The following PIEZO2 variants were observed in gnomAD, a reference collection of about 807,000 sequenced individuals.
PIEZO2 encodes the protein piezo type mechanosensitive ion channel component 2.
Under a neutral mutation model 337.3 loss-of-function variants are expected in PIEZO2, and 172 were observed. That is an observed-to-expected ratio of 0.51 (90% CI 0.45 to 0.58). PIEZO2 has a LOEUF of 0.58. PIEZO2 is among the 20% of genes least tolerant of loss of function. PIEZO2 has a pLI of 0.00. For missense variants in PIEZO2, 3,028 were observed against 3,391.3 expected (o/e 0.89, Z 2.66); for synonymous variants, 1,251 against 1,228.5 (o/e 1.02, Z -0.38).
At chr18:10,749,358 G>A (rs2037555939) in intron 29 of PIEZO2, among the ~76,000 whole-genome samples, 1 of 152,270 alleles carries the variant, frequency 6.6e-6, no homozygotes, top group South Asian at 2.1e-4. Flanking sequence ...AGCTACTCAG[G>A]AGGCAGAAGT....
In PIEZO2 at chr18:10,813,080, A is replaced by G. The variant is rs549196233; in HGVS notation, c.918-5806T>C. On this transcript the variant is annotated intron_variant, in intron 7 of 55. Coordinates refer to ENST00000674853, the MANE Select transcript of PIEZO2 (RefSeq NM_001378183.1). This position sits in a 1 kb window ranked among gnomAD's most constrained non-coding sequence, Gnocchi z 4.2. ...CTGCAACCTCTGCCTCCCCGGCTCAAGTGATTCTCCTGCCTCAGCCTCCGG... is the reference window on the plus strand; with the variant it reads ...CTGCAACCTCTGCCTCCCCGGCTCAGGTGATTCTCCTGCCTCAGCCTCCGG... 5.3e-5 allele frequency among the ~76,000 whole-genome samples: 8 copies of G among 152,090 alleles called. No homozygotes were observed. In the South Asian group the frequency reaches 1.5e-3, roughly 28 times the overall value.
chr18:10,926,153 G>A (rs149001311), intron 3 of PIEZO2, among the ~76,000 whole-genome samples: 274 of 152,328 alleles, frequency 1.8e-3, no homozygotes, highest in African/African-American at 6.2e-3. Context: ...GAGTCAGGGT[G>A]CAGGAGGTCA....
intron 13 of PIEZO2, among the ~76,000 whole-genome samples, chr18:10,793,602 T>C (rs2039483619): frequency 6.6e-6 from 1 of 152,190 alleles, no homozygotes; most frequent in Non-Finnish European, 1.5e-5. Context: ...TTTTTTAAAA[T>C]AGAATAAGAC....
intron 41 of PIEZO2, 99 bp downstream of exon 41, chr18:10,705,237 C>A: frequency 7.2e-7 from 1 of 1,393,056 alleles, no homozygotes; most frequent in Non-Finnish European, 9.4e-7. Flanking sequence ...TCCAGATGAA[C>A]TTTTTTCTAT....
intron 2 of PIEZO2, among the ~76,000 whole-genome samples, chr18:11,018,130 G>A (rs904775504): frequency 2.0e-5 from 3 of 151,876 alleles, no homozygotes; most frequent in Admixed American, 6.6e-5. Flanking sequence ...GGTAGTGGCC[G>A]GTCATCCACA....
chr18:11,147,759 C>T (rs527895645), intron 1 of PIEZO2, among the ~76,000 whole-genome samples: 1 of 152,344 alleles, frequency 6.6e-6, no homozygotes, highest in African/African-American at 2.4e-5. Context: ...CTTTGCACGC[C>T]AGGCCAGTCC....
In PIEZO2 at chr18:10,826,225, G is replaced by A. The variant is rs141364359; in HGVS notation, c.918-18951C>T. 7.9e-5 allele frequency among the ~76,000 whole-genome samples: 12 copies of A among 152,200 alleles called. No individual in the cohort carries two copies. The East Asian group carries it at 2.1e-3, about 27-fold the overall frequency. ...TGCAACAGCTCCTCATTGCTTCTAG[G>A]CCCTCTCACCTGAAAGAACAAGAAA... On this transcript the variant is annotated intron_variant, in intron 7 of 55. Coordinates refer to ENST00000674853, the MANE Select transcript of PIEZO2 (RefSeq NM_001378183.1).
chr18:10,882,606 T>C (rs1180239660), intron 4 of PIEZO2, among the ~76,000 whole-genome samples: 1 of 152,132 alleles, frequency 6.6e-6, no homozygotes, highest in Non-Finnish European at 1.5e-5. Context: ...TTTTTTCCCA[T>C]CATCTCCTCC....
chr18:11,106,248 A>G lies in PIEZO2; in HGVS notation c.65-40026T>C, dbSNP rs868288610. On this transcript the variant is annotated intron_variant, in intron 1 of 55. Coordinates refer to ENST00000674853, the MANE Select transcript of PIEZO2 (RefSeq NM_001378183.1). Reference sequence around the variant, plus strand: ...ACTACAGGCGCCCACCACCACGCCCAGCTAATTTTTTGTATTTTTTTTTTT... The same window carrying G: ...ACTACAGGCGCCCACCACCACGCCCGGCTAATTTTTTGTATTTTTTTTTTT... Among the ~76,000 whole-genome samples, 1,198 of 146,580 alleles carry G rather than the reference A, an allele frequency of 8.2e-3. 17 individuals are homozygous for G. The highest frequency in any genetic ancestry group is 0.028 in the African/African-American group (1,123 of 39,666).
chr18:11,122,172 G>C (rs2040047231), intron 1 of PIEZO2, among the ~76,000 whole-genome samples: 1 of 152,092 alleles, frequency 6.6e-6, no homozygotes, highest in African/African-American at 2.4e-5. Context: ...AGCCAGGATG[G>C]TCTTGATCTC....
chr18:10,956,120 G>T (rs114607554), intron 3 of PIEZO2, among the ~76,000 whole-genome samples: 1,722 of 152,210 alleles, frequency 0.011, 34 homozygotes, highest in African/African-American at 0.039. Flanking sequence ...GTTTTCACCT[G>T]ATTAGCCTTG....
At chr18:10,919,219 C>CCCA (rs1488180263) in intron 3 of PIEZO2, among the ~76,000 whole-genome samples, 1 of 151,966 alleles carries the variant, frequency 6.6e-6, no homozygotes, top group Non-Finnish European at 1.5e-5. Flanking sequence ...TGCCCATTGT[C>CCCA]TATTAGATGT....
intron 33 of PIEZO2, 69 bp downstream of exon 33, chr18:10,740,962 C>T (rs755787228): frequency 1.9e-5 from 27 of 1,438,026 alleles, no homozygotes; most frequent in Admixed American, 9.8e-5. Context: ...GTCACGGGAA[C>T]GCCTGAATTC....
At chr18:10,729,071 G>C (rs969925521) in intron 36 of PIEZO2, among the ~76,000 whole-genome samples, 7 of 152,064 alleles carry the variant, frequency 4.6e-5, no homozygotes, top group Non-Finnish European at 8.8e-5. Context: ...TAACCTTAGA[G>C]GACAGGATTT....
intron 5 of PIEZO2, among the ~76,000 whole-genome samples, chr18:10,867,595 A>G (rs572794726): frequency 6.6e-6 from 1 of 152,304 alleles, no homozygotes; most frequent in South Asian, 2.1e-4. Flanking sequence ...ATAACTGCAA[A>G]TCCTATTTGA....
At chr18:10,914,641 C>T (rs573331406) in intron 3 of PIEZO2, among the ~76,000 whole-genome samples, 1 of 152,144 alleles carries the variant, frequency 6.6e-6, no homozygotes, top group South Asian at 2.1e-4. Flanking sequence ...TTTGTTGGTG[C>T]AGAACCCATG....
Position 10,672,715 on chromosome 18 carries a change from T to C in PIEZO2, c.8320A>G (p.Ser2774Gly), listed in dbSNP as rs1598338160. ...VVFNDKVSPPSLGFLAGYGIM... is the reference protein window; with the variant it reads ...VVFNDKVSPPGLGFLAGYGIM... ...CCATAGCCAGCCAGGAACCCCAGAC[T>C]TGGGGGACTGACTTTGTCATTGAAG... Residue 2774 changes from serine (S) to glycine (G), a missense_variant, in exon 55 of 56, where the codon AGT (serine) becomes GGT (glycine). This residue lies in a region of PIEZO2 where 332 missense variants were observed against 363.8 expected (regional missense o/e 0.91). Transcript: ENST00000674853. The surrounding 1 kb of genome is among the most constrained non-coding windows in gnomAD (Gnocchi z 4.7). 1 of 1,614,008 alleles carries C rather than the reference T, an allele frequency of 6.2e-7. No homozygotes were observed. Among genetic ancestry groups the C allele is most frequent in the Non-Finnish European group, 8.5e-7 (1 of 1,179,952 alleles).
At chr18:11,133,138 A>C (rs2040385548) in intron 1 of PIEZO2, among the ~76,000 whole-genome samples, 1 of 152,146 alleles carries the variant, frequency 6.6e-6, no homozygotes, top group Admixed American at 6.5e-5. Flanking sequence ...TTTGCTAAAA[A>C]CATGTTTGTG....
At chr18:10,880,887 ATATATATATATAT>A in intron 4 of PIEZO2, among the ~76,000 whole-genome samples, 1 of 83,054 alleles carries the variant, frequency 1.2e-5, no homozygotes, top group Middle Eastern at 6.3e-3. Flanking sequence ...ATATATATAT[ATATATATATATAT>A]AATTTTGATA....
Sources: allele counts gnomAD v4.1 joint callset (sites outside exome capture counted in the v4.1 genomes callset), GRCh38; gene constraint gnomAD v4.1.1; regional missense constraint gnomAD v4.1.1; non-coding constraint Gnocchi (gnomAD v3.1); transcripts MANE v1.5; gene names NCBI Gene and HGNC (gene_info 2026-07-23, HGNC 2026-07-21).